The following FTO variants were observed in gnomAD, a reference collection of about 807,000 sequenced individuals.
The protein encoded by FTO is FTO alpha-ketoglutarate dependent dioxygenase.
In FTO, 47 loss-of-function variants were observed where a neutral mutation model predicts 63.9. The observed-to-expected ratio is 0.74, with a 90% CI of 0.58 to 0.94. The LOEUF (loss-of-function observed/expected upper bound fraction) is 0.94. FTO is among the 40% of genes least tolerant of loss of function. The pLI is 0.00. For missense variants in FTO, 562 were observed against 618.1 expected (o/e 0.91, Z 0.96); for synonymous variants, 207 against 224.4 (o/e 0.92, Z 0.69).
At chr16:53,764,475 C>CAAAAAAAAAAAAAAA (rs56906281) in intron 1 of FTO, among the ~76,000 whole-genome samples, 73 of 118,588 alleles carry the variant, frequency 6.2e-4, no homozygotes, top group East Asian at 5.2e-3. Flanking sequence ...ACTAAAAATA[C>CAAAAAAAAAAAAAAA]AAAAAAAAAA....
chr16:53,943,563 G>A (rs1226787763), intron 8 of FTO, among the ~76,000 whole-genome samples: 1 of 152,214 alleles, frequency 6.6e-6, no homozygotes, highest in African/African-American at 2.4e-5. Flanking sequence ...GAACAGAACT[G>A]ATGACAGTTC....
chr16:54,073,900 G>T (rs1372037706), intron 8 of FTO, among the ~76,000 whole-genome samples: 1 of 152,056 alleles, frequency 6.6e-6, no homozygotes, highest in African/African-American at 2.4e-5. Context: ...ATTCAGGGCC[G>T]ATTTGTGTTT....
intron 8 of FTO, among the ~76,000 whole-genome samples, chr16:53,942,362 T>C (rs2082550309): frequency 6.6e-6 from 1 of 152,142 alleles, no homozygotes; most frequent in African/African-American, 2.4e-5. Flanking sequence ...GAGAACACCA[T>C]GGGACTGGGC....
rs1567549549 is a variant in FTO at position 54,065,159 on chromosome 16, T to TTTTATTTTATTTAC, written c.1365-46602_1365-46601insTTATTTTATTTACT. 3.8e-3 allele frequency among the ~76,000 whole-genome samples: 266 copies of TTTTATTTTATTTAC among 69,698 alleles called. 1 individual carries two copies. The highest frequency in any genetic ancestry group is 9.3e-3 in the African/African-American group (256 of 27,392). 45.7% of individuals were successfully genotyped at this position (69,698 alleles called of 152,430 possible). On this transcript the variant is annotated intron_variant, in intron 8 of 8. Transcript: ENST00000471389. Reference sequence around the variant, plus strand: ...ATTTTATTTTATTTTATTTTATTTATTAATGTACTGATTTTTGACCTGGGG... The same window carrying TTTTATTTTATTTAC: ...ATTTTATTTTATTTTATTTTATTTATTTTATTTTATTTACTAATGTACTGATTTTTGACCTGGGG...
At chr16:53,978,552 T>G (rs2083475401) in intron 8 of FTO, among the ~76,000 whole-genome samples, 1 of 152,246 alleles carries the variant, frequency 6.6e-6, no homozygotes, top group Admixed American at 6.5e-5. Context: ...TTTGTTGTTT[T>G]CTTGTTCATT....
intron 1 of FTO, among the ~76,000 whole-genome samples, chr16:53,719,160 C>T (rs1323102662): frequency 2.0e-5 from 3 of 152,150 alleles, no homozygotes; most frequent in Non-Finnish European, 4.4e-5. Flanking sequence ...TTTTCCTCCT[C>T]CCTGTCTTCT....
intron 8 of FTO, among the ~76,000 whole-genome samples, chr16:54,064,100 G>C (rs953800929): frequency 6.6e-6 from 1 of 151,822 alleles, no homozygotes; most frequent in Non-Finnish European, 1.5e-5. Flanking sequence ...TTACTTCTAG[G>C]AGCTTAACGT....
intron 3 of FTO, among the ~76,000 whole-genome samples, chr16:53,840,050 A>G (rs111832229): frequency 0.23 from 34,248 of 151,678 alleles, 4,019 homozygotes; most frequent in Middle Eastern, 0.31. Context: ...TGATCCACCC[A>G]CCTCAGCCTC....
At chr16:53,826,612 T>G in intron 3 of FTO, 121 bp downstream of exon 3, 1 of 870,556 alleles carries the variant, frequency 1.1e-6, no homozygotes, top group Non-Finnish European at 1.9e-6. Flanking sequence ...CGTGTGTACA[T>G]GCACATGCGT....
chr16:53,824,323 T>C (rs1211547503), intron 2 of FTO, among the ~76,000 whole-genome samples: 1 of 152,208 alleles, frequency 6.6e-6, no homozygotes, highest in Non-Finnish European at 1.5e-5. Flanking sequence ...GGTTGGTCTT[T>C]TTCCTGAGTG....
chr16:53,975,043 A>T (rs1229538762), intron 8 of FTO, among the ~76,000 whole-genome samples: 3 of 152,072 alleles, frequency 2.0e-5, no homozygotes, highest in African/African-American at 7.2e-5. Flanking sequence ...ATGTATATAT[A>T]TATTTCTATT....
chr16:53,844,550 C>T (rs1304212193), intron 4 of FTO, among the ~76,000 whole-genome samples: 1 of 152,120 alleles, frequency 6.6e-6, no homozygotes, highest in East Asian at 1.9e-4. Flanking sequence ...GTTTCCACCT[C>T]CTGGATTCAA....
At chr16:53,814,820 A>G (rs1285744115) in intron 2 of FTO, 2 of 152,174 alleles carry the variant, frequency 1.3e-5, no homozygotes, top group Non-Finnish European at 2.9e-5. Flanking sequence ...CATTAAACAA[A>G]TGGATTTCAC....
At chr16:53,810,592 A>G (rs762316478) in intron 2 of FTO, among the ~76,000 whole-genome samples, 16 of 152,088 alleles carry the variant, frequency 1.1e-4, no homozygotes, top group Non-Finnish European at 1.5e-4. Flanking sequence ...TACCCTACCT[A>G]CAAGTCAAGT....
intron 3 of FTO, among the ~76,000 whole-genome samples, chr16:53,840,865 CT>C (rs1382030797): frequency 1.1e-3 from 161 of 152,054 alleles, no homozygotes; most frequent in African/African-American, 3.6e-3. Flanking sequence ...GATACCAGAT[CT>C]TGTAATTCAA....
At chr16:53,765,215 C>T (rs998122345) in intron 1 of FTO, among the ~76,000 whole-genome samples, 1 of 152,112 alleles carries the variant, frequency 6.6e-6, no homozygotes, top group Non-Finnish European at 1.5e-5. Context: ...ACGAGAGTCC[C>T]TCTTCTCATG....
At chr16:53,825,758 G>T in intron 2 of FTO, 106 bp from the exon 3 acceptor site, 1 of 1,275,884 alleles carries the variant, frequency 7.8e-7, no homozygotes, top group Non-Finnish European at 1.1e-6. Context: ...TAGCCACCAG[G>T]TAGTCCCCCC....
chr16:53,901,446 T>G (rs2081400955), intron 7 of FTO, among the ~76,000 whole-genome samples: 1 of 152,184 alleles, frequency 6.6e-6, no homozygotes, highest in South Asian at 2.1e-4. Flanking sequence ...TGCATAAAAA[T>G]TATTTTGAAA....
chr16:53,843,728 T>C (rs1461354707), intron 3 of FTO, among the ~76,000 whole-genome samples: 1 of 152,196 alleles, frequency 6.6e-6, no homozygotes, highest in Non-Finnish European at 1.5e-5. Flanking sequence ...TCTAGATGAA[T>C]TTAGAAAGTA....
Sources: allele counts gnomAD v4.1 joint callset (sites outside exome capture counted in the v4.1 genomes callset), GRCh38; gene constraint gnomAD v4.1.1; transcripts MANE v1.5; gene names NCBI Gene and HGNC (gene_info 2026-07-23, HGNC 2026-07-21).